The following APBA2 variants were observed in gnomAD, a reference collection of about 807,000 sequenced individuals.
APBA2 encodes the protein amyloid beta precursor protein binding family A member 2.
Under a neutral mutation model 75.0 loss-of-function variants are expected in APBA2, and 30 were observed. The ratio of observed to expected loss-of-function variants is 0.40; its 90% CI spans 0.30 to 0.54. APBA2 has a LOEUF of 0.54. Among genes scored for constraint, APBA2 ranks in the 20% least tolerant of loss-of-function variants. The pLI is 0.49. For missense variants in APBA2, 801 were observed against 1,016.1 expected, an observed-to-expected ratio of 0.79 and a Z score of 2.88; for synonymous variants, 444 against 409.6, an observed-to-expected ratio of 1.08 and a Z score of -1.01.
intron 4 of APBA2, among the ~76,000 whole-genome samples, chr15:29,062,589 G>GT (rs919168920): frequency 2.4e-4 from 37 of 152,266 alleles, no homozygotes; most frequent in African/African-American, 8.2e-4. Flanking sequence ...TCAGGGAGCA[G>GT]TTTATCTATC....
intron 14 of APBA2, among the ~76,000 whole-genome samples, chr15:29,116,561 G>A (rs955778394): frequency 1.5e-4 from 23 of 151,346 alleles, no homozygotes; most frequent in African/African-American, 5.3e-4. Flanking sequence ...CCGGGGGGCA[G>A]AGCTTGCAGT....
chr15:29,004,857 T>C (rs2039030840), intron 3 of APBA2, among the ~76,000 whole-genome samples: 1 of 152,102 alleles, frequency 6.6e-6, no homozygotes, highest in Admixed American at 6.5e-5. Flanking sequence ...TTTTTGTATT[T>C]TTAGTAGAGA....
chr15:29,008,170 G>A (rs2039221808), intron 3 of APBA2, among the ~76,000 whole-genome samples: 1 of 152,158 alleles, frequency 6.6e-6, no homozygotes, highest in Non-Finnish European at 1.5e-5. Context: ...ACTGACATGA[G>A]GTACTCAGAA....
intron 2 of APBA2, among the ~76,000 whole-genome samples, chr15:28,962,561 G>A (rs914165016): frequency 7.3e-5 from 11 of 150,606 alleles, no homozygotes; most frequent in Admixed American, 2.6e-4. Flanking sequence ...GTGAGACTCC[G>A]TCTCAAAAAA....
rs555174559 is a variant in APBA2, at chr15:28,987,508, A to G, written c.-94-8245A>G. Among the ~76,000 whole-genome samples the G allele has an allele frequency of 1.6e-4, 24 of 152,022 alleles. 1 individual carries two copies. Among genetic ancestry groups the G allele is most frequent in the Admixed American group, 1.1e-3 (17 of 15,264 alleles). ...AGAGCTGCTTGAGTGTCCTCACAAC[A>G]TGGCAGGCGGATTCCCCCAGCCTCA... is the stretch of plus-strand genomic sequence containing the variant. On this transcript the variant is annotated intron_variant, in intron 2 of 14. Transcript: ENST00000683413.
intron 3 of APBA2, among the ~76,000 whole-genome samples, chr15:29,028,326 A>G (rs371044916): frequency 1.3e-5 from 2 of 152,298 alleles, no homozygotes; most frequent in East Asian, 3.9e-4. Flanking sequence ...TGCAAAGGAT[A>G]TGATGTCATT....
intron 1 of APBA2, among the ~76,000 whole-genome samples, chr15:28,896,898 C>A (rs2152621549): frequency 6.6e-6 from 1 of 152,240 alleles, no homozygotes; most frequent in East Asian, 1.9e-4. Context: ...CCCATCCAGT[C>A]CCTGACAGTG....
chr15:29,036,940 A>T (rs1490343406), intron 3 of APBA2, among the ~76,000 whole-genome samples: 1 of 151,968 alleles, frequency 6.6e-6, no homozygotes, highest in Non-Finnish European at 1.5e-5. Flanking sequence ...GGATTGCTTG[A>T]ACCTGGGAGG....
intron 2 of APBA2, among the ~76,000 whole-genome samples, chr15:28,988,420 C>T (rs1370425499): frequency 2.0e-5 from 3 of 151,946 alleles, no homozygotes; most frequent in African/African-American, 7.3e-5. Context: ...CCCGCCACTG[C>T]ACACAGCTAA....
chr15:28,980,973 CT>C (rs1226444943), intron 2 of APBA2, among the ~76,000 whole-genome samples: 1 of 152,212 alleles, frequency 6.6e-6, no homozygotes, highest in East Asian at 1.9e-4. Flanking sequence ...GCTGGGATAG[CT>C]GGCTAGCCTT....
intron 4 of APBA2, among the ~76,000 whole-genome samples, chr15:29,073,526 A>G (rs1232323037): frequency 2.0e-5 from 3 of 152,092 alleles, no homozygotes; most frequent in African/African-American, 7.2e-5. Flanking sequence ...AATTTTTTGT[A>G]TTTTTAGTAG....
intron 1 of APBA2, among the ~76,000 whole-genome samples, chr15:28,899,034 A>G (rs1176771997): frequency 6.6e-6 from 1 of 152,278 alleles, no homozygotes; most frequent in Non-Finnish European, 1.5e-5. Context: ...CAAGTAACCA[A>G]ATGTTTAAGT....
At chr15:28,915,958 C>T (rs2152659574) in intron 1 of APBA2, among the ~76,000 whole-genome samples, 1 of 152,238 alleles carries the variant, frequency 6.6e-6, no homozygotes, top group Admixed American at 6.5e-5. Flanking sequence ...CCCACCACAT[C>T]ACATACTCTG....
chr15:29,030,492 TAATA>T (rs2040435149), intron 3 of APBA2, among the ~76,000 whole-genome samples: 1 of 151,424 alleles, frequency 6.6e-6, no homozygotes, highest in East Asian at 1.9e-4. Context: ...ATAATAATAA[TAATA>T]ATAAAATAAA....
intron 2 of APBA2, among the ~76,000 whole-genome samples, chr15:28,945,089 G>A (rs529596954): frequency 1.2e-4 from 18 of 152,330 alleles, no homozygotes; most frequent in Non-Finnish European, 7.3e-5. Flanking sequence ...CCACACAGGA[G>A]GTGCAGCAGA....
At chr15:28,969,283 C>T (rs1035826389) in intron 2 of APBA2, among the ~76,000 whole-genome samples, 5 of 151,902 alleles carry the variant, frequency 3.3e-5, no homozygotes, top group African/African-American at 9.7e-5. Flanking sequence ...CGGGCTCAAG[C>T]GATTCTCCTG....
At chr15:28,914,707 G>T (rs2033585921) in intron 1 of APBA2, among the ~76,000 whole-genome samples, 1 of 152,034 alleles carries the variant, frequency 6.6e-6, no homozygotes, top group Non-Finnish European at 1.5e-5. Context: ...TGGGCTGCAC[G>T]ACCCTGATCA....
chr15:29,070,373 C>G (rs1249047495), intron 4 of APBA2, among the ~76,000 whole-genome samples: 1 of 152,224 alleles, frequency 6.6e-6, no homozygotes, highest in Non-Finnish European at 1.5e-5. Flanking sequence ...CCTTCCTCCT[C>G]CCATTCACAG....
Position 29,022,020 on chromosome 15 carries a change from T to A in APBA2, c.-41+26214T>A, listed in dbSNP as rs77248386. ...CACTCCATTGTAAGTGTATACCATGTTTTCTTTATCTGTTCATCCCTCAAA... is the reference window on the plus strand; with the variant it reads ...CACTCCATTGTAAGTGTATACCATGATTTCTTTATCTGTTCATCCCTCAAA... On this transcript the variant is annotated intron_variant, in intron 3 of 14. Transcript: ENST00000683413. Among the ~76,000 whole-genome samples the A allele has an allele frequency of 4.1e-4, 62 of 152,290 alleles. 2 individuals carry two copies. In the East Asian group the frequency reaches 0.011, roughly 28 times the overall value.
Sources: gnomAD v4.1 joint callset for allele counts (sites outside exome capture counted in the v4.1 genomes callset) on GRCh38, gnomAD v4.1.1 for gene constraint, MANE v1.5 for transcripts, NCBI Gene and HGNC (gene_info 2026-07-23, HGNC 2026-07-21) for gene names.